The following CAPG variants were observed in gnomAD, a reference collection of about 807,000 sequenced individuals.
CAPG encodes macrophage-capping protein.
A neutral mutation model predicts 44.6 loss-of-function variants in CAPG; 32 were observed. The observed-to-expected ratio is 0.72, with a 90% CI of 0.54 to 0.96. The LOEUF (loss-of-function observed/expected upper bound fraction) is 0.96. Ranked by LOEUF, CAPG falls within the 50% of genes least tolerant of loss-of-function variation. The pLI is 0.00. For missense variants in CAPG, 412 were observed against 438.3 expected (o/e 0.94, Z 0.54); for synonymous variants, 175 against 179.6 (o/e 0.97, Z 0.20).
In CAPG at chr2:85,406,261, AAAAG is replaced by A. The variant is rs1351054568; in HGVS notation, c.-14+4052_-14+4055del. Among the ~76,000 whole-genome samples the A allele has an allele frequency of 5.9e-5, 9 of 152,088 alleles. 1 individual carries two copies. Among genetic ancestry groups the A allele is most frequent in the African/African-American group, 2.2e-4 (9 of 41,506 alleles). ...AGTGAGACTCGGTTTCAAAAAAAAA[AAAAG>A]AAAAGAAAGGAGTTTGGCTGCTCAT... On this transcript the variant is annotated intron_variant, in intron 1 of 9. Transcript: ENST00000263867.
At chr2:85,399,903 G>A (rs779122858) in intron 5 of CAPG, among the ~76,000 whole-genome samples, 9 of 151,954 alleles carry the variant, frequency 5.9e-5, no homozygotes, top group Non-Finnish European at 1.0e-4. Flanking sequence ...CACCAGGCCC[G>A]GCTAATTTTA....
At chr2:85,396,216 C>T (rs948604048) in intron 8 of CAPG, among the ~76,000 whole-genome samples, 4 of 152,122 alleles carry the variant, frequency 2.6e-5, no homozygotes, top group African/African-American at 9.7e-5. Flanking sequence ...GACGCAGTCT[C>T]GTTCTGTCGC....
chr2:85,401,073 C>T (rs1443763339), intron 5 of CAPG, 92 bp downstream of exon 5: 2 of 1,270,638 alleles, frequency 1.6e-6, no homozygotes, highest in African/African-American at 1.5e-5. Context: ...TACGGCTTCT[C>T]AGCTTCTCTC....
intron 5 of CAPG, 85 bp downstream of exon 5, chr2:85,401,080 T>C: frequency 7.6e-7 from 1 of 1,321,238 alleles, no homozygotes; most frequent in Non-Finnish European, 1.1e-6. Flanking sequence ...TCTCAGCTTC[T>C]CTCCCTCTTT....
At chr2:85,392,441 T>C (rs1054175665), downstream of CAPG, among the ~76,000 whole-genome samples, 1 of 141,564 alleles carries the variant, frequency 7.1e-6, no homozygotes, top group Non-Finnish European at 1.5e-5. Context: ...AGCTGGGGAG[T>C]GGGGGGCAGG....
Position 85,395,688 on chromosome 2 carries a change from TTTC to T in CAPG, c.893-65_893-63del. ...GACCCTCTTTAGCTGCCATCCCATTTTTCTTGAGGAAATTTAAGGGAGTCCACA... is the reference window on the plus strand; with the variant it reads ...GACCCTCTTTAGCTGCCATCCCATTTTTGAGGAAATTTAAGGGAGTCCACA... On this transcript the variant is annotated intron_variant, in intron 8 of 9. Transcript: ENST00000263867. This position sits in a 1 kb window ranked among gnomAD's most constrained non-coding sequence, Gnocchi z 4.3. 1 of 1,247,356 alleles carries T rather than the reference TTTC, an allele frequency of 8.0e-7. No individual in the cohort carries two copies. The highest frequency in any genetic ancestry group is 1.9e-5 in the Admixed American group (1 of 51,376). 77.3% of individuals were successfully genotyped at this position (1,247,356 alleles called of 1,614,324 possible).
chr2:85,414,405 T>A (rs1416821436), upstream of CAPG, among the ~76,000 whole-genome samples: 1 of 150,710 alleles, frequency 6.6e-6, no homozygotes, highest in East Asian at 2.0e-4. Flanking sequence ...GAGTGTCACA[T>A]TGCTAGTTCA....
chr2:85,395,674 G>T lies in CAPG; in HGVS notation c.893-48C>A. The T allele has an allele frequency of 7.5e-7, 1 of 1,342,260 alleles. No individual in the cohort carries two copies. The highest frequency in any genetic ancestry group is 1.1e-6 in the Non-Finnish European group (1 of 948,664). 83.1% of individuals were successfully genotyped at this position (1,342,260 alleles called of 1,614,324 possible). Reference sequence around the variant, plus strand: ...TTAAAAAGAGCAGGGACCCTCTTTAGCTGCCATCCCATTTTTCTTGAGGAA... The same window carrying T: ...TTAAAAAGAGCAGGGACCCTCTTTATCTGCCATCCCATTTTTCTTGAGGAA... On this transcript the variant is annotated intron_variant, in intron 8 of 9. Coordinates refer to ENST00000263867, the MANE Select transcript of CAPG (RefSeq NM_001747.4). The surrounding 1 kb of genome is among the most constrained non-coding windows in gnomAD (Gnocchi z 4.3).
intron 1 of CAPG, among the ~76,000 whole-genome samples, chr2:85,416,285 A>T (rs909741690): frequency 6.6e-6 from 1 of 152,136 alleles, no homozygotes; most frequent in African/African-American, 2.4e-5. Flanking sequence ...GATTCTTCCT[A>T]GCAAGTTCTC....
upstream of CAPG, chr2:85,414,165 G>A (rs974118432): frequency 3.7e-4 from 57 of 152,428 alleles, no homozygotes; most frequent in African/African-American, 1.3e-3. Flanking sequence ...GCGTGGGAAG[G>A]AGGGTATAGG....
At chr2:85,403,144 T>C (rs1686984264) in intron 1 of CAPG, among the ~76,000 whole-genome samples, 1 of 152,048 alleles carries the variant, frequency 6.6e-6, no homozygotes, top group Non-Finnish European at 1.5e-5. Context: ...AACACAAATA[T>C]CAATACAGAA....
chr2:85,416,334 G>A (rs78362406), intron 1 of CAPG, among the ~76,000 whole-genome samples: 9,328 of 152,118 alleles, frequency 0.061, 406 homozygotes, highest in Middle Eastern at 0.085. Context: ...GGCCCTCTCT[G>A]GGCCTCAGTT....
chr2:85,413,050 GGAAA>G (rs1687464749), upstream of CAPG: 1 of 152,246 alleles, frequency 6.6e-6, no homozygotes, highest in Non-Finnish European at 1.5e-5. Context: ...CTCCACAGGA[GGAAA>G]GAAAGTTAAA....
chr2:85,392,389 CAAAAA>C (rs780926003), downstream of CAPG, among the ~76,000 whole-genome samples: 4 of 100,130 alleles, frequency 4.0e-5, no homozygotes, highest in African/African-American at 1.2e-4. Context: ...GACTCCGTCT[CAAAAA>C]AAAAAAAAAA....
intron 1 of CAPG, among the ~76,000 whole-genome samples, chr2:85,405,720 G>A (rs1440232019): frequency 6.6e-6 from 1 of 152,138 alleles, no homozygotes. Context: ...TTGGCACCAC[G>A]ATTCCGGAAG....
At chr2:85,400,886 T>C (rs1686852168) in intron 5 of CAPG, among the ~76,000 whole-genome samples, 1 of 152,128 alleles carries the variant, frequency 6.6e-6, no homozygotes, top group South Asian at 2.1e-4. Context: ...AACGAAGAGA[T>C]AAATGACTGA....
upstream of CAPG, chr2:85,410,478 A>T (rs2104852439): frequency 6.6e-6 from 1 of 152,472 alleles, no homozygotes; most frequent in South Asian, 2.1e-4. Context: ...AGGGAGGGGC[A>T]GGCAGTGCTG....
At chr2:85,393,790 C>T (rs1686471590), downstream of CAPG, among the ~76,000 whole-genome samples, 1 of 152,218 alleles carries the variant, frequency 6.6e-6, no homozygotes, top group Admixed American at 6.5e-5. Context: ...TCTCAAACTC[C>T]TGATCACAAA....
chr2:85,411,794 G>A (rs1687419400), upstream of CAPG, among the ~76,000 whole-genome samples: 1 of 152,186 alleles, frequency 6.6e-6, no homozygotes, highest in Non-Finnish European at 1.5e-5. Context: ...GGGCATGGTG[G>A]CTGTCTCCGG....
Sources: gnomAD v4.1 joint callset for allele counts (sites outside exome capture counted in the v4.1 genomes callset) on GRCh38, gnomAD v4.1.1 for gene constraint, Gnocchi (gnomAD v3.1) non-coding constraint, MANE v1.5 for transcripts, NCBI Gene and HGNC (gene_info 2026-07-23, HGNC 2026-07-21) for gene names.